Variants in DCAF8L2 observed in about 807,000 individuals in gnomAD.
The protein encoded by DCAF8L2 is DDB1 and CUL4 associated factor 8 like 2.
For synonymous variants in DCAF8L2, 200 were observed against 190.9 expected, an observed-to-expected ratio of 1.05 and a Z score of -0.39; for missense variants, 430 against 490.7, an observed-to-expected ratio of 0.88 and a Z score of 1.17.
the DCAF8L2 span, among the ~76,000 whole-genome samples, chrX:27,532,607 C>A: frequency 9.0e-6 from 1 of 110,568 alleles, no homozygotes; most frequent in Non-Finnish European, 1.9e-5. Context: ...ATACCAAAAT[C>A]AATGAAGGAG....
chrX:27,529,898 A>G, the DCAF8L2 span, among the ~76,000 whole-genome samples: 1 of 111,977 alleles, frequency 8.9e-6, no homozygotes, highest in Non-Finnish European at 1.9e-5. Flanking sequence ...AATTAAGTTC[A>G]TGGGTATAGG....
At chrX:27,502,335 A>AAAAAAAT in the DCAF8L2 span, among the ~76,000 whole-genome samples, 3 of 12,718 alleles carry the variant, frequency 2.4e-4, no homozygotes, top group Admixed American at 1.8e-3. Context: ...AAAAAAAAAA[A>AAAAAAAT]ATATATATAT....
chrX:27,623,485 C>A (rs992996717), intron 1 of DCAF8L2, among the ~76,000 whole-genome samples: 72 of 109,730 alleles, frequency 6.6e-4, no homozygotes, highest in African/African-American at 2.2e-3. Flanking sequence ...AAATCAAAGT[C>A]CTAAAAGAGA....
chrX:27,713,354 G>C (rs1250830967), intron 3 of DCAF8L2, among the ~76,000 whole-genome samples: 3 of 111,631 alleles, frequency 2.7e-5, no homozygotes, highest in African/African-American at 9.8e-5. Context: ...GATGAGGACT[G>C]AAAATTGGCT....
chrX:27,708,609 G>A (rs949350525), intron 3 of DCAF8L2, among the ~76,000 whole-genome samples: 5 of 112,025 alleles, frequency 4.5e-5, no homozygotes, highest in African/African-American at 1.6e-4. Flanking sequence ...TTCTTTCAAG[G>A]ATGTTTCAAG....
At chrX:27,592,513 C>A (rs1412426674) in intron 1 of DCAF8L2, among the ~76,000 whole-genome samples, 1 of 106,151 alleles carries the variant, frequency 9.4e-6, no homozygotes, top group Non-Finnish European at 1.9e-5. Flanking sequence ...CTTGGCTCAC[C>A]GCAACCTCCG....
At chrX:27,738,862 A>T (rs1056862293) in intron 4 of DCAF8L2, among the ~76,000 whole-genome samples, 1 of 111,526 alleles carries the variant, frequency 9.0e-6, no homozygotes, top group Non-Finnish European at 1.9e-5. Context: ...TCACTTCAGG[A>T]ACAGAAACAG....
At chrX:27,628,265 C>A (rs1269646285) in intron 1 of DCAF8L2, among the ~76,000 whole-genome samples, 2 of 111,110 alleles carry the variant, frequency 1.8e-5, no homozygotes, top group African/African-American at 6.5e-5. Flanking sequence ...AAAGGATTTT[C>A]TTTTTTTTAA....
the DCAF8L2 span, among the ~76,000 whole-genome samples, chrX:27,539,403 C>T: frequency 9.0e-6 from 1 of 110,701 alleles, no homozygotes; most frequent in Non-Finnish European, 1.9e-5. Context: ...TAATTCAGTA[C>T]AAGCAGAGAG....
intron 4 of DCAF8L2, among the ~76,000 whole-genome samples, chrX:27,739,824 C>T (rs1921749265): frequency 8.9e-6 from 1 of 111,788 alleles, no homozygotes; most frequent in Non-Finnish European, 1.9e-5. Context: ...TTCCTATCTG[C>T]CCACCAGAGG....
chrX:27,527,486 C>G, the DCAF8L2 span, among the ~76,000 whole-genome samples: 1 of 111,009 alleles, frequency 9.0e-6, no homozygotes, highest in African/African-American at 3.3e-5. Flanking sequence ...TGAGGCAATG[C>G]CTCACCCTGC....
At chrX:27,564,998 C>G in the DCAF8L2 span, among the ~76,000 whole-genome samples, 1 of 108,897 alleles carries the variant, frequency 9.2e-6, no homozygotes, top group Non-Finnish European at 1.9e-5. Context: ...ATAGTTTTAA[C>G]AATTATTTTT....
At chrX:27,704,059 G>GTA (rs1291688296) in intron 3 of DCAF8L2, among the ~76,000 whole-genome samples, 4 of 69,648 alleles carry the variant, frequency 5.7e-5, no homozygotes, top group Non-Finnish European at 1.0e-4. Flanking sequence ...CACATTGTGT[G>GTA]TGTATATATA....
the DCAF8L2 span, among the ~76,000 whole-genome samples, chrX:27,501,273 CTGTGTGTGTGTA>C: frequency 9.9e-6 from 1 of 101,304 alleles, no homozygotes; most frequent in African/African-American, 3.6e-5. Flanking sequence ...CCCTCCTCTG[CTGTGTGTGTGTA>C]TGTGTGTGTG....
the DCAF8L2 span, among the ~76,000 whole-genome samples, chrX:27,544,104 C>T: frequency 2.7e-5 from 3 of 111,287 alleles, no homozygotes; most frequent in Non-Finnish European, 5.7e-5. Flanking sequence ...TAATTTTTAT[C>T]ATTTAGTGTC....
the DCAF8L2 span, among the ~76,000 whole-genome samples, chrX:27,539,627 A>T: frequency 8.9e-6 from 1 of 111,788 alleles, no homozygotes; most frequent in East Asian, 2.8e-4. Context: ...AATCATCAAA[A>T]TTTTTTTGAG....
intron 3 of DCAF8L2, among the ~76,000 whole-genome samples, chrX:27,715,354 G>A (rs1211526636): frequency 1.2e-5 from 1 of 86,356 alleles, no homozygotes; most frequent in East Asian, 3.6e-4. Flanking sequence ...GCGACAGAGC[G>A]AGACTCCGTC....
chrX:27,540,744 T>A, the DCAF8L2 span, among the ~76,000 whole-genome samples: 3 of 111,981 alleles, frequency 2.7e-5, no homozygotes, highest in East Asian at 8.3e-4. Flanking sequence ...ACAAATGAAA[T>A]GATAAATGTT....
chrX:27,685,202 A>C (rs1025369245), intron 3 of DCAF8L2, among the ~76,000 whole-genome samples: 1 of 112,120 alleles, frequency 8.9e-6, no homozygotes, highest in Non-Finnish European at 1.9e-5. Flanking sequence ...TCTATCTGAA[A>C]GAAATATGTA....
Sources: gnomAD v4.1 joint callset for allele counts (sites outside exome capture counted in the v4.1 genomes callset) on GRCh38, gnomAD v4.1.1 for gene constraint, MANE v1.5 for transcripts, NCBI Gene and HGNC (gene_info 2026-07-23, HGNC 2026-07-21) for gene names.